The following FOXP2 variants were observed in gnomAD, a reference collection of about 807,000 sequenced individuals.
FOXP2 encodes forkhead box protein P2.
A neutral mutation model predicts 115.8 loss-of-function variants in FOXP2; 12 were observed. The observed-to-expected ratio is 0.10, with a 90% CI of 0.07 to 0.17. FOXP2 has a LOEUF of 0.17. Ranked by LOEUF, FOXP2 falls within the 10% of genes least tolerant of loss-of-function variation. The probability of loss-of-function intolerance (pLI) is 1.00; values close to 1 mark genes in which losing one functional copy is unlikely to be tolerated. For synonymous variants in FOXP2, 328 were observed against 297.7 expected (o/e 1.10, Z -1.05); for missense variants, 629 against 843.5 (o/e 0.75, Z 3.15).
At chr7:114,169,836 T>C (rs930032463) in intron 1 of FOXP2, among the ~76,000 whole-genome samples, 3 of 152,186 alleles carry the variant, frequency 2.0e-5, no homozygotes, top group African/African-American at 7.2e-5. Flanking sequence ...GTTGTTCTCA[T>C]GATAGTGAAT....
chr7:114,090,150 C>T (rs1799513487), intron 1 of FOXP2, among the ~76,000 whole-genome samples: 1 of 151,786 alleles, frequency 6.6e-6, no homozygotes, highest in South Asian at 2.1e-4. Context: ...TATTTTCTGC[C>T]TCTCTGAATT....
At chr7:114,678,327 C>T (rs2129348821) in intron 16 of FOXP2, among the ~76,000 whole-genome samples, 1 of 152,168 alleles carries the variant, frequency 6.6e-6, no homozygotes, top group East Asian at 1.9e-4. Context: ...GGACAGGCAG[C>T]CTGCCTGGAT....
intron 2 of FOXP2, among the ~76,000 whole-genome samples, chr7:114,347,352 A>ATATACG (rs1305596316): frequency 6.6e-6 from 1 of 151,994 alleles, no homozygotes; most frequent in Non-Finnish European, 1.5e-5. Context: ...ATACACACGC[A>ATATACG]TATACGTATA....
chr7:114,628,676 A>G lies in FOXP2; in HGVS notation c.395A>G (p.Gln132Arg). The change falls in exon 4 of 17, where the codon CAG becomes CGG. Residue 132 changes from glutamine to arginine, a missense_variant and splice_region_variant. By Grantham distance (43) the Gln-to-Arg change is conservative. This residue lies in a region of FOXP2 where 138 missense variants were observed against 205.1 expected (regional missense o/e 0.67). Coordinates refer to ENST00000350908, the MANE Select transcript of FOXP2 (RefSeq NM_014491.4). ...CAACAGCAGGCTGTCATGCTGCAGC[A>G]GGTAATGTGGGTTACCTGCTTTGGT... ...LQQQQAVMLQ[Q>R]QQLQEFYKKQ... 6.2e-7 allele frequency: 1 copy of G among 1,614,042 alleles called. No homozygotes were observed. Among genetic ancestry groups the G allele is most frequent in the East Asian group, 2.2e-5 (1 of 44,862 alleles).
At chr7:114,618,109 C>A (rs1162518052) in intron 3 of FOXP2, among the ~76,000 whole-genome samples, 1 of 152,188 alleles carries the variant, frequency 6.6e-6, no homozygotes, top group Non-Finnish European at 1.5e-5. Context: ...ATTCTCTATT[C>A]TTCCTGTGCA....
At chr7:114,210,427 C>T (rs1422206532) in intron 1 of FOXP2, among the ~76,000 whole-genome samples, 1 of 152,100 alleles carries the variant, frequency 6.6e-6, no homozygotes, top group East Asian at 1.9e-4. Context: ...TGGGGGTTTG[C>T]TCCAGACCCC....
intron 1 of FOXP2, among the ~76,000 whole-genome samples, chr7:114,154,100 G>A (rs1562983843): frequency 6.6e-6 from 1 of 152,246 alleles, no homozygotes; most frequent in East Asian, 1.9e-4. Flanking sequence ...TTGAAGGTTT[G>A]TAGGATAAAG....
chr7:114,185,989 GAGAA>G (rs57693399), intron 1 of FOXP2, among the ~76,000 whole-genome samples: 9,244 of 151,974 alleles, frequency 0.061, 618 homozygotes, highest in African/African-American at 0.17. Flanking sequence ...GAAGAGCAAA[GAGAA>G]AGAGAAAAAG....
chr7:114,535,441 G>C (rs1055867676), intron 3 of FOXP2, among the ~76,000 whole-genome samples: 1 of 151,466 alleles, frequency 6.6e-6, no homozygotes, highest in Non-Finnish European at 1.5e-5. Flanking sequence ...TCTGTTGAAA[G>C]ATAAGTAATG....
chr7:114,155,858 G>A (rs1003012524), intron 1 of FOXP2, among the ~76,000 whole-genome samples: 10 of 152,118 alleles, frequency 6.6e-5, no homozygotes, highest in African/African-American at 2.4e-4. Context: ...CAAATGTGCG[G>A]TTTGACCTTT....
intron 2 of FOXP2, among the ~76,000 whole-genome samples, chr7:114,492,487 C>T (rs2129244988): frequency 6.6e-6 from 1 of 152,174 alleles, no homozygotes. Context: ...TTCTCTAGTT[C>T]TTTTAATTGT....
At chr7:114,540,625 A>G (rs1361812812) in intron 3 of FOXP2, among the ~76,000 whole-genome samples, 1 of 152,096 alleles carries the variant, frequency 6.6e-6, no homozygotes, top group Admixed American at 6.6e-5. Flanking sequence ...AAGAACAATA[A>G]GCATTTAAAA....
chr7:114,196,173 A>T (rs1419231829), intron 1 of FOXP2, among the ~76,000 whole-genome samples: 1 of 151,860 alleles, frequency 6.6e-6, no homozygotes, highest in Non-Finnish European at 1.5e-5. Context: ...CACCACGCCC[A>T]GCTAATTTTT....
At chr7:114,380,307 T>A (rs1484385198) in intron 2 of FOXP2, among the ~76,000 whole-genome samples, 1 of 152,240 alleles carries the variant, frequency 6.6e-6, no homozygotes, top group East Asian at 1.9e-4. Context: ...AGAGTCTGTA[T>A]ATATATTTAC....
At chr7:114,498,905 A>T (rs1473867580) in intron 2 of FOXP2, 2 of 718,060 alleles carry the variant, frequency 2.8e-6, no homozygotes, top group Non-Finnish European at 5.2e-6. Context: ...TCTTACACCC[A>T]GGTTATTTGT....
intron 2 of FOXP2, among the ~76,000 whole-genome samples, chr7:114,297,962 T>G (rs926516755): frequency 2.6e-5 from 4 of 152,214 alleles, no homozygotes; most frequent in Admixed American, 6.5e-5. Context: ...TATTCTATAC[T>G]TATTTCCTTC....
At chr7:114,635,923 C>G (rs1805193960) in intron 6 of FOXP2, among the ~76,000 whole-genome samples, 2 of 152,126 alleles carry the variant, frequency 1.3e-5, no homozygotes. Context: ...TTGTTAATAT[C>G]AGATGTATTC....
intron 1 of FOXP2, among the ~76,000 whole-genome samples, chr7:114,217,549 T>C (rs1049690511): frequency 3.3e-5 from 5 of 152,160 alleles, no homozygotes; most frequent in Non-Finnish European, 7.4e-5. Context: ...ACAATAATTA[T>C]AATCACAAGG....
chr7:114,321,859 A>G (rs1340599012), intron 2 of FOXP2, among the ~76,000 whole-genome samples: 2 of 152,148 alleles, frequency 1.3e-5, no homozygotes, highest in African/African-American at 2.4e-5. Flanking sequence ...CAGTTTGTAT[A>G]TGAGAAAGCT....
Sources: gnomAD v4.1 joint callset for allele counts (sites outside exome capture counted in the v4.1 genomes callset) on GRCh38, gnomAD v4.1.1 for gene constraint, gnomAD v4.1.1 regional missense constraint, MANE v1.5 for transcripts, NCBI Gene and HGNC (gene_info 2026-07-23, HGNC 2026-07-21) for gene names.